C2orf78: variants seen among roughly 807,000 people sequenced by gnomAD.
C2orf78 encodes the protein chromosome 2 open reading frame 78.
A neutral mutation model predicts 21.4 loss-of-function variants in C2orf78; 12 were observed. The ratio of observed to expected loss-of-function variants is 0.56; its 90% CI spans 0.36 to 0.91. The LOEUF (loss-of-function observed/expected upper bound fraction) is 0.91, where lower values mean the gene tolerates loss of function less well. Ranked by LOEUF, C2orf78 falls within the 40% of genes least tolerant of loss-of-function variation. The pLI, the probability that C2orf78 is intolerant of heterozygous loss-of-function variation, is 0.01. For missense variants in C2orf78, 1,042 were observed against 1,092.4 expected (o/e 0.95, Z 0.65); for synonymous variants, 396 against 413.9 (o/e 0.96, Z 0.52).
chr2:73,814,449 G>A (rs559983282), intron 2 of C2orf78, among the ~76,000 whole-genome samples: 4 of 152,282 alleles, frequency 2.6e-5, no homozygotes, highest in South Asian at 2.1e-4. Context: ...TAAGAGAATC[G>A]CAAGAGCATA....
chr2:73,810,828 GTA>G (rs1673073240), intron 1 of C2orf78, among the ~76,000 whole-genome samples: 1 of 129,016 alleles, frequency 7.8e-6, no homozygotes, highest in Non-Finnish European at 1.6e-5. Flanking sequence ...TAATATACAT[GTA>G]TGTTATATAT....
intron 1 of C2orf78, among the ~76,000 whole-genome samples, chr2:73,810,178 TC>T (rs1673050539): frequency 1.3e-5 from 2 of 152,156 alleles, no homozygotes; most frequent in African/African-American, 4.8e-5. Flanking sequence ...TTGTTTTTTT[TC>T]TGTTGCCTTT....
intron 1 of C2orf78, among the ~76,000 whole-genome samples, chr2:73,811,088 C>G (rs1428624460): frequency 6.6e-6 from 1 of 150,774 alleles, no homozygotes; most frequent in East Asian, 1.9e-4. Flanking sequence ...GTCAGGAGTT[C>G]GAGATCAGCC....
At chr2:73,814,079 T>C in exon 2 of C2orf78, 3 of 1,613,762 alleles carry the variant, frequency 1.9e-6, no homozygotes, top group Non-Finnish European at 2.5e-6. Context: ...CTCTGTGTCA[T>C]ACACAGGATA....
At chr2:73,813,577 C>T in exon 2 of C2orf78, 1 of 1,614,058 alleles carries the variant, frequency 6.2e-7, no homozygotes. Context: ...GCATCTCCAA[C>T]TTCTCCAGAG....
chr2:73,814,558 G>C (rs1444644320), intron 2 of C2orf78, among the ~76,000 whole-genome samples: 1 of 152,286 alleles, frequency 6.6e-6, no homozygotes, highest in South Asian at 2.1e-4. Flanking sequence ...TCTTTGGAAG[G>C]CACTTCAGAA....
At chr2:73,810,787 A>G (rs1673071218) in intron 1 of C2orf78, among the ~76,000 whole-genome samples, 1 of 110,784 alleles carries the variant, frequency 9.0e-6, no homozygotes, top group Non-Finnish European at 1.8e-5. Flanking sequence ...ATATACATGT[A>G]TATTTTATAT....
Position 73,817,041 on chromosome 2 carries a change from TATAG to T in C2orf78, c.*57_*60del, listed in dbSNP as rs751129713. ...TTGGATACCGCTGGTTTTCCACATA[TATAG>T]ATAGATACTAATTTATTTATTCTGA... On this transcript the variant is annotated 3_prime_UTR_variant, in exon 3 of 3. Coordinates refer to ENST00000409561, the Ensembl canonical transcript of C2orf78. 6.7e-6 allele frequency: 10 copies of T among 1,483,290 alleles called. No homozygotes were observed. The African/African-American group carries it at 8.5e-5, about 13-fold the overall frequency. The allele number at this position is 1,483,290 out of a possible 1,614,324, so 91.9% of individuals were successfully genotyped here.
intron 1 of C2orf78, among the ~76,000 whole-genome samples, chr2:73,786,495 G>A (rs1290603124): frequency 2.0e-5 from 2 of 100,908 alleles, no homozygotes; most frequent in Non-Finnish European, 4.0e-5. Context: ...TAGTCCACAC[G>A]TAAATCATTA....
chr2:73,815,580 C>T, exon 3 of C2orf78: 1 of 1,613,940 alleles, frequency 6.2e-7, no homozygotes, highest in Non-Finnish European at 8.5e-7. Flanking sequence ...GGATACTTAC[C>T]TCCCCCCGAT....
chr2:73,813,852 C>G, exon 2 of C2orf78: 1 of 1,613,970 alleles, frequency 6.2e-7, no homozygotes, highest in Non-Finnish European at 8.5e-7. Context: ...GCTGTCTCTT[C>G]CATGTCTATG....
exon 3 of C2orf78, chr2:73,815,078 A>C (rs1298859530): frequency 1.2e-6 from 2 of 1,609,552 alleles, no homozygotes; most frequent in Non-Finnish European, 8.5e-7. Flanking sequence ...TAGTGATGGA[A>C]ACTTCCCTGG....
At chr2:73,808,109 C>T (rs1558540066) in intron 1 of C2orf78, among the ~76,000 whole-genome samples, 1 of 150,994 alleles carries the variant, frequency 6.6e-6, no homozygotes, top group African/African-American at 2.5e-5. Context: ...AAAAAATTAG[C>T]CGGCTGAAGT....
At chr2:73,808,817 G>C in intron 1 of C2orf78, 2 of 1,404,700 alleles carry the variant, frequency 1.4e-6, no homozygotes, top group South Asian at 2.5e-5. Flanking sequence ...GCACTGGTTG[G>C]CTTCAGCCAC....
chr2:73,815,270 T>C, exon 3 of C2orf78: 1 of 1,613,912 alleles, frequency 6.2e-7, no homozygotes. Flanking sequence ...TGACACTGTC[T>C]CCAGCTCCAA....
At chr2:73,784,277 T>C (rs1672879556) in exon 1 of C2orf78, 4 of 1,405,446 alleles carry the variant, frequency 2.8e-6, no homozygotes, top group Admixed American at 2.0e-5. Flanking sequence ...CAGTGACCAG[T>C]AACCAGTGAC....
At chr2:73,814,666 T>A (rs1280230473) in intron 2 of C2orf78, among the ~76,000 whole-genome samples, 1 of 152,206 alleles carries the variant, frequency 6.6e-6, no homozygotes, top group Non-Finnish European at 1.5e-5. Context: ...AGGCTCAGAA[T>A]CTGTGCTTGC....
At chr2:73,816,297 C>A (rs1464441132) in exon 3 of C2orf78, 1 of 1,613,832 alleles carries the variant, frequency 6.2e-7, no homozygotes, top group Non-Finnish European at 8.5e-7. Flanking sequence ...AGTCAAGGCC[C>A]AGAAACTAGA....
intron 2 of C2orf78, among the ~76,000 whole-genome samples, chr2:73,814,678 T>C (rs570858558): frequency 1.3e-5 from 2 of 152,212 alleles, no homozygotes; most frequent in Admixed American, 6.5e-5. Context: ...TGTGCTTGCT[T>C]ATATATTTCA....
Sources: allele counts gnomAD v4.1 joint callset (sites outside exome capture counted in the v4.1 genomes callset), GRCh38; gene constraint gnomAD v4.1.1; transcripts MANE v1.5; gene names NCBI Gene and HGNC (gene_info 2026-07-23, HGNC 2026-07-21).